Variants in PCNX1 observed in about 807,000 individuals in gnomAD.
The protein encoded by PCNX1 is pecanex-like protein 1.
A neutral mutation model predicts 242.2 loss-of-function variants in PCNX1; 78 were observed. That is an observed-to-expected ratio of 0.32 (90% confidence interval 0.27 to 0.39). PCNX1 has a LOEUF of 0.39. PCNX1 is among the 10% of genes least tolerant of loss of function. PCNX1 has a pLI of 1.00. For synonymous variants in PCNX1, 1,024 were observed against 1,032.9 expected, an observed-to-expected ratio of 0.99 and a Z score of 0.17; for missense variants, 2,581 against 2,856.5, an observed-to-expected ratio of 0.90 and a Z score of 2.20.
chr14:70,924,818 G>C (rs1434876131), intron 1 of PCNX1, among the ~76,000 whole-genome samples: 2 of 151,406 alleles, frequency 1.3e-5, no homozygotes, highest in Non-Finnish European at 2.9e-5. Context: ...TGAGCTCCTG[G>C]GCTCAAGCAA....
intron 11 of PCNX1, among the ~76,000 whole-genome samples, chr14:71,016,152 C>T (rs2059958137): frequency 6.6e-6 from 1 of 152,146 alleles, no homozygotes; most frequent in Admixed American, 6.5e-5. Flanking sequence ...AAGAATATTA[C>T]CAAGGATAAA....
intron 1 of PCNX1, among the ~76,000 whole-genome samples, chr14:70,937,184 T>C (rs138380057): frequency 0.014 from 2,154 of 152,328 alleles, 24 homozygotes; most frequent in Middle Eastern, 0.034. Context: ...TTGCTTTTGG[T>C]GTGTTGGTCA....
At chr14:71,006,501 GAGA>G (rs1487497478) in intron 8 of PCNX1, among the ~76,000 whole-genome samples, 7 of 152,074 alleles carry the variant, frequency 4.6e-5, no homozygotes, top group Non-Finnish European at 4.4e-5. Flanking sequence ...AAATTCATGT[GAGA>G]AGGACATATT....
intron 25 of PCNX1, among the ~76,000 whole-genome samples, chr14:71,055,953 A>G (rs1042954388): frequency 6.6e-6 from 1 of 152,142 alleles, no homozygotes; most frequent in African/African-American, 2.4e-5. Context: ...TATTAATTTA[A>G]TTTGATTCAG....
rs187122462 is a variant in PCNX1 at position 71,096,193 on chromosome 14, C to T, written c.5590-5797C>T. Among the ~76,000 whole-genome samples the T allele has an allele frequency of 2.8e-3, 424 of 152,264 alleles. 5 individuals carry two copies. The highest frequency in any genetic ancestry group is 2.1e-3 in the Non-Finnish European group (143 of 68,018). On this transcript the variant is annotated intron_variant, in intron 30 of 35. Transcript: ENST00000304743. Reference sequence around the variant, plus strand: ...ATTAGCTGGACGTGGCAGTGTGTGCCTGTAATCCCAGCTACTTGGGAGGCT... The same window carrying T: ...ATTAGCTGGACGTGGCAGTGTGTGCTTGTAATCCCAGCTACTTGGGAGGCT...
chr14:71,038,784 G>T (rs2060620510), intron 19 of PCNX1, among the ~76,000 whole-genome samples: 1 of 151,928 alleles, frequency 6.6e-6, no homozygotes, highest in Non-Finnish European at 1.5e-5. Flanking sequence ...TATGTTTATT[G>T]TGGCATTATT....
At chr14:70,988,177 A>G (rs891400058) in intron 6 of PCNX1, among the ~76,000 whole-genome samples, 6 of 152,206 alleles carry the variant, frequency 3.9e-5, no homozygotes, top group East Asian at 1.9e-4. Flanking sequence ...TCCTCTTCCC[A>G]TTAGTGGAAA....
intron 28 of PCNX1, among the ~76,000 whole-genome samples, chr14:71,080,225 G>T (rs148511778): frequency 1.6e-3 from 250 of 152,194 alleles, no homozygotes; most frequent in Non-Finnish European, 2.9e-3. Context: ...CTGTTCCATT[G>T]ATCTATATAT....
In PCNX1 at chr14:70,934,452, A is replaced by C. The variant is rs1276752121; in HGVS notation, c.154-12463A>C. On this transcript the variant is annotated intron_variant, in intron 1 of 35. Coordinates refer to ENST00000304743, the MANE Select transcript of PCNX1 (RefSeq NM_014982.3). The stretch of plus-strand genomic sequence containing the variant: ...AAATTTATTATCTTAACCATTTAAA[A>C]AATTTTTGTTTCAGAGACAGGGTCT... Among the ~76,000 whole-genome samples, 6 of 152,178 alleles carry C rather than the reference A, an allele frequency of 3.9e-5. No homozygotes were observed. In the East Asian group the frequency reaches 1.2e-3, roughly 29 times the overall value.
Position 70,947,134 on chromosome 14 carries a change from C to G in PCNX1, c.362+11C>G. On this transcript the variant is annotated intron_variant, in intron 2 of 35. Transcript: ENST00000304743. The stretch of plus-strand genomic sequence containing the variant: ...CAGCAATGGACCGAGGTAAGGAAAC[C>G]TATGTCATTGATTGATCGTAATGAT... 9.6e-6 allele frequency: 15 copies of G among 1,561,498 alleles called. No homozygotes were observed. The highest frequency in any genetic ancestry group is 1.3e-5 in the Non-Finnish European group (15 of 1,137,344).
At chr14:70,921,466 G>C (rs1483921987) in intron 1 of PCNX1, among the ~76,000 whole-genome samples, 2 of 152,100 alleles carry the variant, frequency 1.3e-5, no homozygotes, top group Non-Finnish European at 2.9e-5. Context: ...TTTTTGTAGA[G>C]ATAAGATCTG....
intron 23 of PCNX1, among the ~76,000 whole-genome samples, chr14:71,051,294 G>C (rs560813684): frequency 6.6e-6 from 1 of 151,238 alleles, no homozygotes; most frequent in South Asian, 2.1e-4. Flanking sequence ...AAACTATACA[G>C]GTTTTGTAAG....
At chr14:70,994,010 A>C (rs974700487) in intron 7 of PCNX1, among the ~76,000 whole-genome samples, 2 of 152,204 alleles carry the variant, frequency 1.3e-5, no homozygotes, top group African/African-American at 2.4e-5. Flanking sequence ...TACTTTTATC[A>C]TTATGGCTTA....
chr14:70,965,071 GT>G (rs2058336466), intron 3 of PCNX1, among the ~76,000 whole-genome samples: 1 of 152,064 alleles, frequency 6.6e-6, no homozygotes, highest in South Asian at 2.1e-4. Context: ...AATTTGTTGG[GT>G]ACTAAACAGT....
chr14:71,053,341 C>T (rs1482587338), intron 24 of PCNX1: 3 of 447,868 alleles, frequency 6.7e-6, no homozygotes, highest in East Asian at 7.0e-5. Flanking sequence ...GACACAATCT[C>T]GACTCACTGC....
Position 71,057,599 on chromosome 14 carries a change from G to A in PCNX1, c.4727G>A (p.Arg1576Gln), listed in dbSNP as rs878892097. 3.7e-6 allele frequency: 6 copies of A among 1,613,430 alleles called. No individual in the cohort carries two copies. Among genetic ancestry groups the A allele is most frequent in the South Asian group, 2.2e-5 (2 of 91,068 alleles). Residue 1576 changes from arginine to glutamine, a missense_variant, in exon 26 of 36, where the codon CGG (arginine) becomes CAG (glutamine). Transcript: ENST00000304743. ...CTCTGTGGTGATTTGCTACTAGGAC[G>A]GTGGGGAAACTACAGTACAGGGGAC... ...HSLCGDLLLG[R>Q]WGNYSTGDCF...
At chr14:71,070,162 A>G (rs1410510542) in intron 26 of PCNX1, among the ~76,000 whole-genome samples, 1 of 152,206 alleles carries the variant, frequency 6.6e-6, no homozygotes, top group Admixed American at 6.5e-5. Flanking sequence ...TCAGGATATT[A>G]TAGCAATTCT....
intron 1 of PCNX1, among the ~76,000 whole-genome samples, chr14:70,937,186 T>G (rs2057041611): frequency 6.6e-6 from 1 of 152,234 alleles, no homozygotes; most frequent in Non-Finnish European, 1.5e-5. Flanking sequence ...GCTTTTGGTG[T>G]GTTGGTCATG....
intron 4 of PCNX1, 39 bp from the exon 5 acceptor site, chr14:70,968,982 T>C (rs764462686): frequency 1.7e-6 from 2 of 1,160,278 alleles, no homozygotes; most frequent in African/African-American, 3.0e-5. Context: ...AGCCTTACTG[T>C]TAATATAAGG....
Sources: allele counts gnomAD v4.1 joint callset (sites outside exome capture counted in the v4.1 genomes callset), GRCh38; gene constraint gnomAD v4.1.1; transcripts MANE v1.5; gene names NCBI Gene and HGNC (gene_info 2026-07-23, HGNC 2026-07-21).